The following ERC2 variants were observed in gnomAD, a reference collection of about 807,000 sequenced individuals.
ERC2 encodes ELKS/RAB6-interacting/CAST family member 2.
A neutral mutation model predicts 114.8 loss-of-function variants in ERC2; 42 were observed. The observed-to-expected ratio is 0.37, with a 90% CI of 0.29 to 0.47. The LOEUF (loss-of-function observed/expected upper bound fraction) is 0.47, where lower values mean the gene tolerates loss of function less well. ERC2 is among the 20% of genes least tolerant of loss of function. ERC2 has a pLI of 0.99. For missense variants in ERC2, 939 were observed against 1,150.7 expected (o/e 0.82, Z 2.66); for synonymous variants, 454 against 425.5 (o/e 1.07, Z -0.82).
At chr3:56,019,816 A>G (rs915436716) in intron 7 of ERC2, among the ~76,000 whole-genome samples, 1 of 152,136 alleles carries the variant, frequency 6.6e-6, no homozygotes. Context: ...CTGCTTTCAA[A>G]CCATGTATTT....
rs2051984884 is a variant in ERC2 at position 55,510,216 on chromosome 3, T to C, written c.*1100A>G. ...TGTTCCTCATTCATCAATGTTTTCA[T>C]GTTTGATGCTGAAAATGCTTTGGAA... On this transcript the variant is annotated 3_prime_UTR_variant, in exon 18 of 18. Transcript: ENST00000288221. 6.6e-6 allele frequency: 1 copy of C among 152,128 alleles called. No homozygotes were observed. The highest frequency in any genetic ancestry group is 2.1e-4 in the South Asian group (1 of 4,812). 9.4% of individuals were successfully genotyped at this position (152,128 alleles called of 1,614,324 possible).
At chr3:56,030,737 T>G (rs1169686683) in intron 7 of ERC2, among the ~76,000 whole-genome samples, 2 of 152,226 alleles carry the variant, frequency 1.3e-5, no homozygotes, top group Non-Finnish European at 2.9e-5. Context: ...TTTGAACAAC[T>G]GTCTATGCAT....
intron 17 of ERC2, among the ~76,000 whole-genome samples, chr3:55,680,421 C>A (rs541117075): frequency 6.6e-6 from 1 of 152,106 alleles, no homozygotes; most frequent in Non-Finnish European, 1.5e-5. Flanking sequence ...TTCGCAAACC[C>A]GAATGCCTCT....
Position 56,007,274 on chromosome 3 carries a change from C to T in ERC2, c.1968G>A (p.Ala656=), listed in dbSNP as rs753920510. The T allele has an allele frequency of 5.7e-5, 91 of 1,597,204 alleles. No homozygotes were observed. Among genetic ancestry groups the T allele is most frequent in the Middle Eastern group, 1.7e-4 (1 of 6,042 alleles). Residue 656 remains alanine (A), a synonymous_variant, in exon 10 of 18, where the codon GCG becomes GCA. Transcript: ENST00000288221. ...LKEHASSLAS[A]GLKRDSKLKS... is the part of the protein sequence containing the mutation. ...TTAATTTGGAATCCCTTTTCAGCCC[C>T]GCAGAGGCTAATGAAGATGCATGTT... is the stretch of plus-strand genomic sequence containing the variant.
At chr3:56,287,165 A>C (rs1159489465) in intron 3 of ERC2, among the ~76,000 whole-genome samples, 1 of 152,220 alleles carries the variant, frequency 6.6e-6, no homozygotes, top group Non-Finnish European at 1.5e-5. Flanking sequence ...TGAAATGCAC[A>C]TGTCTTAGGA....
intron 11 of ERC2, among the ~76,000 whole-genome samples, chr3:55,986,420 A>C (rs889749599): frequency 5.3e-5 from 8 of 152,364 alleles, no homozygotes; most frequent in Admixed American, 2.0e-4. Context: ...TCATGTCAGA[A>C]AGATTTTTAT....
At chr3:55,618,539 T>C (rs931147536) in intron 17 of ERC2, among the ~76,000 whole-genome samples, 8 of 152,210 alleles carry the variant, frequency 5.3e-5, no homozygotes, top group Admixed American at 1.3e-4. Flanking sequence ...CATAGGTGTA[T>C]ATTTATTAAT....
chr3:56,298,204 T>TAACC (rs2055584736), intron 2 of ERC2, among the ~76,000 whole-genome samples: 2 of 152,198 alleles, frequency 1.3e-5, no homozygotes, highest in African/African-American at 4.8e-5. Flanking sequence ...CAGGCCCTGG[T>TAACC]AACCACTGAT....
chr3:56,466,107 G>A (rs1352765), intron 1 of ERC2, among the ~76,000 whole-genome samples: 1 of 152,064 alleles, frequency 6.6e-6, no homozygotes, highest in African/African-American at 2.4e-5. Context: ...GCTCCACAAG[G>A]TTTAAAAAAG....
chr3:55,751,298 C>T (rs889548790), intron 14 of ERC2, among the ~76,000 whole-genome samples: 2 of 152,144 alleles, frequency 1.3e-5, no homozygotes, highest in Non-Finnish European at 2.9e-5. Context: ...AGAATAATCT[C>T]TTTATTTCAC....
At chr3:56,371,607 T>C (rs2059365808) in intron 2 of ERC2, among the ~76,000 whole-genome samples, 1 of 152,196 alleles carries the variant, frequency 6.6e-6, no homozygotes, top group Admixed American at 6.5e-5. Flanking sequence ...TTGTGCAAGA[T>C]ACTAGAAATC....
At chr3:55,529,274 G>C (rs754087011) in intron 17 of ERC2, among the ~76,000 whole-genome samples, 3 of 152,138 alleles carry the variant, frequency 2.0e-5, no homozygotes, top group Non-Finnish European at 2.9e-5. Flanking sequence ...CTGAACCCAA[G>C]ACATCCCTGC....
At chr3:56,136,421 C>CT (rs59098775) in intron 6 of ERC2, among the ~76,000 whole-genome samples, 30 of 145,822 alleles carry the variant, frequency 2.1e-4, no homozygotes, top group African/African-American at 4.2e-4. Context: ...AGCACCATAT[C>CT]TTTTTTTTTT....
rs139232238 is a variant in ERC2, at chr3:55,786,162, C to A, written c.2565-51244G>T. Among the ~76,000 whole-genome samples the A allele has an allele frequency of 9.2e-5, 14 of 152,192 alleles. No individual in the cohort carries two copies. The East Asian group carries it at 2.5e-3, about 27-fold the overall frequency. Reference sequence around the variant, plus strand: ...AACAATTATCTTTTCCTTTGCAAATCTGATTAAAAATGAGCCAAGTCCTGT... The same window carrying A: ...AACAATTATCTTTTCCTTTGCAAATATGATTAAAAATGAGCCAAGTCCTGT... On this transcript the variant is annotated intron_variant, in intron 14 of 17. Transcript: ENST00000288221.
chr3:56,407,246 T>C (rs1004223367), intron 2 of ERC2, among the ~76,000 whole-genome samples: 1 of 152,150 alleles, frequency 6.6e-6, no homozygotes, highest in Non-Finnish European at 1.5e-5. Context: ...GCTTAGAAGA[T>C]CAAAAAGTAT....
chr3:55,721,852 A>C (rs2064574951), intron 15 of ERC2, among the ~76,000 whole-genome samples: 1 of 152,200 alleles, frequency 6.6e-6, no homozygotes, highest in Non-Finnish European at 1.5e-5. Flanking sequence ...CCAGCACCCT[A>C]AGTGGCTTCA....
intron 9 of ERC2, among the ~76,000 whole-genome samples, chr3:56,009,532 C>T (rs947782388): frequency 6.6e-6 from 1 of 152,104 alleles, no homozygotes; most frequent in African/African-American, 2.4e-5. Context: ...TACTGCGGAG[C>T]TAGGAGATAG....
At chr3:56,417,175 G>A (rs1386786298) in intron 2 of ERC2, among the ~76,000 whole-genome samples, 2 of 152,196 alleles carry the variant, frequency 1.3e-5, no homozygotes, top group African/African-American at 4.8e-5. Context: ...TAGCTTGCTA[G>A]ATCTGGAAAC....
intron 16 of ERC2, among the ~76,000 whole-genome samples, chr3:55,693,633 C>T (rs765093866): frequency 6.0e-5 from 9 of 151,238 alleles, no homozygotes; most frequent in Non-Finnish European, 1.0e-4. Flanking sequence ...AATAAACTCA[C>T]AAAACAGAAG....
Sources: allele counts gnomAD v4.1 joint callset (sites outside exome capture counted in the v4.1 genomes callset), GRCh38; gene constraint gnomAD v4.1.1; transcripts MANE v1.5; gene names NCBI Gene and HGNC (gene_info 2026-07-23, HGNC 2026-07-21).